Variants in C1orf105 observed in about 807,000 individuals in gnomAD.
C1orf105 encodes the protein chromosome 1 open reading frame 105, also known as uncharacterized protein C1orf105.
Under a neutral mutation model 20.8 loss-of-function variants are expected in C1orf105, and 17 were observed. The ratio of observed to expected loss-of-function variants is 0.82; its 90% CI spans 0.56 to 1.23. The LOEUF (loss-of-function observed/expected upper bound fraction) is 1.23. Among genes scored for constraint, C1orf105 ranks in the 50% most tolerant of loss-of-function variants. The pLI is 0.00. For missense variants in C1orf105, 219 were observed against 213.5 expected (o/e 1.03, Z -0.16); for synonymous variants, 72 against 72.1 (o/e 1.00, Z 0.01).
At chr1:172,453,708 G>A (rs774502434) in intron 3 of C1orf105, among the ~76,000 whole-genome samples, 62 of 152,244 alleles carry the variant, frequency 4.1e-4, no homozygotes, top group East Asian at 3.9e-4. Context: ...CCCGGTGGAG[G>A]AAATAAACAC....
At chr1:172,433,808 C>A (rs1339839677) in intron 1 of C1orf105, among the ~76,000 whole-genome samples, 4 of 152,146 alleles carry the variant, frequency 2.6e-5, no homozygotes, top group Non-Finnish European at 4.4e-5. Flanking sequence ...CACAGACTGG[C>A]AAATTGGATA....
intron 3 of C1orf105, chr1:172,452,915 G>A (rs1648812058): frequency 6.6e-7 from 1 of 1,505,746 alleles, no homozygotes; most frequent in South Asian, 1.3e-5. Flanking sequence ...CTCCATTCCT[G>A]TTATTGCTGC....
chr1:172,445,237 A>G (rs1647855083), intron 2 of C1orf105, 79 bp downstream of exon 2: 5 of 1,115,988 alleles, frequency 4.5e-6, no homozygotes, highest in Non-Finnish European at 6.6e-6. Flanking sequence ...GATGGGGACA[A>G]TTATCAGAGG....
intron 3 of C1orf105, among the ~76,000 whole-genome samples, chr1:172,456,075 G>A (rs751057373): frequency 3.3e-5 from 5 of 152,078 alleles, no homozygotes; most frequent in Non-Finnish European, 7.4e-5. Context: ...CAACCCCTCA[G>A]ACACAGGTGC....
chr1:172,462,687 T>A (rs892909642), intron 5 of C1orf105, among the ~76,000 whole-genome samples: 4 of 152,222 alleles, frequency 2.6e-5, no homozygotes, highest in African/African-American at 9.6e-5. Flanking sequence ...TTAAAGCTTT[T>A]TTTAAATCAA....
At chr1:172,432,165 T>C (rs916380929) in intron 1 of C1orf105, among the ~76,000 whole-genome samples, 3 of 152,184 alleles carry the variant, frequency 2.0e-5, no homozygotes, top group African/African-American at 4.8e-5. Context: ...AGGCAGGACA[T>C]AGCTGAACAA....
At chr1:172,453,897 T>G (rs576576073) in intron 3 of C1orf105, among the ~76,000 whole-genome samples, 2 of 152,282 alleles carry the variant, frequency 1.3e-5, no homozygotes, top group South Asian at 2.1e-4. Context: ...CAAGGCCAGG[T>G]GGGACAATAT....
chr1:172,444,353 G>T lies in C1orf105; in HGVS notation c.22-720G>T. ...GAGAGATAATGGCCGCTTTTGTTGCGCTCCTTTATTAAGTCAGGCCCTCAG... is the reference window on the plus strand; with the variant it reads ...GAGAGATAATGGCCGCTTTTGTTGCTCTCCTTTATTAAGTCAGGCCCTCAG... On this transcript the variant is annotated intron_variant, in intron 1 of 6. Transcript: ENST00000367727. 3.1e-6 allele frequency: 3 copies of T among 960,740 alleles called. No individual in the cohort carries two copies. The African/African-American group carries it at 5.3e-5, about 17-fold the overall frequency. 59.5% of individuals were successfully genotyped at this position (960,740 alleles called of 1,614,324 possible). A position where few individuals can be genotyped will look rare whatever the true frequency, so the allele number is the denominator to read the frequency against.
At chr1:172,433,572 C>G (rs1057459784) in intron 1 of C1orf105, among the ~76,000 whole-genome samples, 1 of 152,174 alleles carries the variant, frequency 6.6e-6, no homozygotes, top group Non-Finnish European at 1.5e-5. Context: ...TTGTCACCAC[C>G]AGGCCTGCCT....
intron 1 of C1orf105, chr1:172,442,517 C>T (rs1262947402): frequency 3.1e-6 from 5 of 1,614,222 alleles, no homozygotes; most frequent in South Asian, 1.1e-5. Context: ...TTCCGGAGCT[C>T]TTCCAGGAAT....
chr1:172,452,647 C>T (rs1648780479), intron 3 of C1orf105, among the ~76,000 whole-genome samples: 1 of 152,240 alleles, frequency 6.6e-6, no homozygotes, highest in Admixed American at 6.5e-5. Context: ...AGCCCTTAGA[C>T]ACCGCAGCAG....
At chr1:172,447,747 G>A (rs1001620360) in intron 2 of C1orf105, among the ~76,000 whole-genome samples, 2 of 152,200 alleles carry the variant, frequency 1.3e-5, no homozygotes, top group South Asian at 4.1e-4. Context: ...GTGTGTTCCC[G>A]GCAAAACTGC....
chr1:172,430,986 TG>T, intron 1 of C1orf105: 1 of 492,440 alleles, frequency 2.0e-6, no homozygotes, highest in South Asian at 3.8e-5. Context: ...GCAAACTTAG[TG>T]GATATGTGTG....
chr1:172,450,852 C>T (rs1355556602), intron 3 of C1orf105, among the ~76,000 whole-genome samples: 1 of 152,196 alleles, frequency 6.6e-6, no homozygotes, highest in Non-Finnish European at 1.5e-5. Context: ...TAGAAACACA[C>T]ACACAGAGAT....
chr1:172,460,280 G>A (rs1649595797), intron 4 of C1orf105, among the ~76,000 whole-genome samples: 1 of 150,178 alleles, frequency 6.7e-6, no homozygotes, highest in African/African-American at 2.5e-5. Flanking sequence ...AATAGGACCT[G>A]GTTATGTAAC....
At chr1:172,448,334 A>G (rs1450836292) in intron 2 of C1orf105, 107 bp from the exon 3 acceptor site, 3 of 730,554 alleles carry the variant, frequency 4.1e-6, no homozygotes, top group African/African-American at 3.5e-5. Flanking sequence ...ACTGGAGTGG[A>G]AGATAGCTCC....
intron 4 of C1orf105, among the ~76,000 whole-genome samples, chr1:172,460,593 ATTAAGT>A (rs1649620253): frequency 1.3e-5 from 2 of 151,216 alleles, no homozygotes; most frequent in African/African-American, 4.9e-5. Context: ...TTCAAAATAA[ATTAAGT>A]TTATTTCAAC....
At position 172,442,271 on chromosome 1, in the gene C1orf105, C is replaced by G. The variant is rs564057821; in HGVS notation, c.22-2802C>G. Reference sequence around the variant, plus strand: ...AAGACTAGGGCACTCTTCAGGTCAGCCCACCGGGTCTGCCCACTCTTCTTC... The same window carrying G: ...AAGACTAGGGCACTCTTCAGGTCAGGCCACCGGGTCTGCCCACTCTTCTTC... On this transcript the variant is annotated intron_variant, in intron 1 of 6. Transcript: ENST00000367727. The G allele has an allele frequency of 6.8e-6, 11 of 1,613,754 alleles. No individual in the cohort carries two copies. The South Asian group carries it at 1.2e-4, about 18-fold the overall frequency.
chr1:172,467,865 C>A (rs1650173042), intron 6 of C1orf105, among the ~76,000 whole-genome samples: 1 of 152,168 alleles, frequency 6.6e-6, no homozygotes, highest in Non-Finnish European at 1.5e-5. Context: ...TATTAACCAA[C>A]TTTTAATAAA....
Sources: gnomAD v4.1 joint callset for allele counts (sites outside exome capture counted in the v4.1 genomes callset) on GRCh38, gnomAD v4.1.1 for gene constraint, MANE v1.5 for transcripts, NCBI Gene and HGNC (gene_info 2026-07-23, HGNC 2026-07-21) for gene names.